Variants in USP48 observed in about 807,000 individuals in gnomAD.
USP48 encodes ubiquitin carboxyl-terminal hydrolase 48.
In USP48, 43 loss-of-function variants were observed where a neutral mutation model predicts 150.7. That is an observed-to-expected ratio of 0.29 (90% confidence interval 0.22 to 0.37). USP48 has a LOEUF of 0.37. Ranked by LOEUF, USP48 falls within the 10% of genes least tolerant of loss-of-function variation. The probability of loss-of-function intolerance (pLI) is 1.00; values close to 1 mark genes in which losing one functional copy is unlikely to be tolerated. For synonymous variants in USP48, 396 were observed against 425.9 expected (o/e 0.93, Z 0.86); for missense variants, 813 against 1,249.6 (o/e 0.65, Z 5.27).
At chr1:21,778,195 C>T (rs1487712010) in intron 1 of USP48, among the ~76,000 whole-genome samples, 3 of 149,910 alleles carry the variant, frequency 2.0e-5, no homozygotes, top group African/African-American at 7.3e-5. Context: ...AACTCAATAA[C>T]AAAAGGCAAC....
intron 22 of USP48, 82 bp downstream of exon 22, chr1:21,701,416 A>G: frequency 8.6e-7 from 1 of 1,169,258 alleles, no homozygotes; most frequent in South Asian, 1.2e-5. Flanking sequence ...TACAGGGTAC[A>G]GAGACATGGC....
chr1:21,700,605 T>C (rs2097652668), intron 22 of USP48, among the ~76,000 whole-genome samples: 1 of 152,204 alleles, frequency 6.6e-6, no homozygotes, highest in African/African-American at 2.4e-5. Flanking sequence ...CACTACACTA[T>C]TTTAGTAGTA....
intron 14 of USP48, 137 bp downstream of exon 14, chr1:21,720,899 A>T: frequency 2.6e-6 from 3 of 1,154,092 alleles, no homozygotes; most frequent in Non-Finnish European, 3.7e-6. Context: ...GGGCTGGCAC[A>T]ACCGCTGGGC....
intron 7 of USP48, 71 bp from the exon 8 acceptor site, chr1:21,747,220 T>C: frequency 9.2e-7 from 1 of 1,085,092 alleles, no homozygotes; most frequent in East Asian, 2.7e-5. Flanking sequence ...CTCTATTAGC[T>C]ATTTTAATAA....
At chr1:21,733,578 T>A (rs1235172548) in intron 9 of USP48, among the ~76,000 whole-genome samples, 1 of 152,200 alleles carries the variant, frequency 6.6e-6, no homozygotes, top group Non-Finnish European at 1.5e-5. Flanking sequence ...AGCTAAAATA[T>A]ATGCTGCATA....
chr1:21,767,735 G>T (rs1251639042), intron 1 of USP48, among the ~76,000 whole-genome samples: 1 of 151,366 alleles, frequency 6.6e-6, no homozygotes, highest in Non-Finnish European at 1.5e-5. Context: ...CATTGAAGAA[G>T]GAAACTAGTT....
chr1:21,715,310 TG>T, intron 15 of USP48, 78 bp downstream of exon 15: 1 of 1,110,370 alleles, frequency 9.0e-7, no homozygotes, highest in Non-Finnish European at 1.3e-6. Flanking sequence ...TGAGAGATAC[TG>T]GCATGAAAGC....
At chr1:21,683,861 G>A (rs541401744) in intron 25 of USP48, among the ~76,000 whole-genome samples, 18 of 152,090 alleles carry the variant, frequency 1.2e-4, no homozygotes, top group East Asian at 1.9e-4. Context: ...TAGCTCCTAC[G>A]TATGAGTGAG....
rs2097918877 is a variant in USP48, at chr1:21,783,138, A to C, written c.-181T>G. ...CCGCGCCCGCCCGCGCCCGACCCGC[A>C]CGACCGGCCGCAAAGCGCCGCCGTC... On this transcript the variant is annotated 5_prime_UTR_variant, in exon 1 of 27. Coordinates refer to ENST00000308271, the MANE Select transcript of USP48 (RefSeq NM_032236.8). 1 of 966,988 alleles carries C rather than the reference A, an allele frequency of 1.0e-6. No homozygotes were observed. Among genetic ancestry groups the C allele is most frequent in the Non-Finnish European group, 1.4e-6 (1 of 723,124 alleles). 59.9% of individuals were successfully genotyped at this position (966,988 alleles called of 1,614,324 possible). A position where few individuals can be genotyped will look rare whatever the true frequency, so the allele number is the denominator to read the frequency against.
At chr1:21,757,494 TAAG>T in intron 2 of USP48, 166 bp downstream of exon 2, 1 of 566,124 alleles carries the variant, frequency 1.8e-6, no homozygotes, top group Non-Finnish European at 2.9e-6. Flanking sequence ...AGCATATCAT[TAAG>T]AAGTGTTCCA....
intron 6 of USP48, 68 bp downstream of exon 6, chr1:21,751,439 G>C (rs1408560585): frequency 1.7e-6 from 2 of 1,202,588 alleles, no homozygotes; most frequent in East Asian, 2.3e-5. Flanking sequence ...AATCAAAACA[G>C]AATAGCATTC....
At chr1:21,698,813 T>C (rs1452092098) in intron 22 of USP48, among the ~76,000 whole-genome samples, 4 of 151,984 alleles carry the variant, frequency 2.6e-5, no homozygotes, top group Non-Finnish European at 4.4e-5. Context: ...GAGAATGGCT[T>C]GAACCTCGGA....
chr1:21,679,587 A>G, intron 26 of USP48, 148 bp from the exon 27 acceptor site: 1 of 941,418 alleles, frequency 1.1e-6, no homozygotes, highest in South Asian at 1.5e-5. Flanking sequence ...GATAAGACAA[A>G]ATACCAGCAG....
chr1:21,756,566 T>A lies in USP48; in HGVS notation c.392A>T (p.Asp131Val). The change falls in exon 3 of 27, where the codon GAC becomes GTC. Residue 131 changes from aspartate to valine, a missense_variant. Physicochemically the swap from Asp to Val is radical, Grantham distance 152 (BLOSUM62 -3). Transcript: ENST00000308271. ...PSTCSDYMLG[D>V]GIQEEKDYEP... The stretch of plus-strand genomic sequence containing the variant: ...CCCACCTTTTTCTTCTTGGATGCCG[T>A]CTCCCAGCATGTAGTCACTACAAGT... The A allele has an allele frequency of 1.3e-6, 2 of 1,581,858 alleles. No homozygotes were observed. Among genetic ancestry groups the A allele is most frequent in the Non-Finnish European group, 1.7e-6 (2 of 1,169,904 alleles).
At chr1:21,729,610 C>T in intron 10 of USP48, 94 bp downstream of exon 10, 3 of 1,395,612 alleles carry the variant, frequency 2.1e-6, no homozygotes, top group Admixed American at 2.2e-5. Flanking sequence ...ATCAATTTAT[C>T]ATAGTAACTA....
At chr1:21,768,101 G>C (rs995388841) in intron 1 of USP48, among the ~76,000 whole-genome samples, 1 of 152,102 alleles carries the variant, frequency 6.6e-6, no homozygotes, top group African/African-American at 2.4e-5. Flanking sequence ...CAGCTACTCA[G>C]GAGGCTGAGG....
At chr1:21,690,223 T>C (rs1158734469) in intron 23 of USP48, 124 bp from the exon 24 acceptor site, 51 of 1,164,502 alleles carry the variant, frequency 4.4e-5, no homozygotes, top group Non-Finnish European at 5.7e-5. Context: ...AAAACCACTA[T>C]TGTTTACAGT....
At chr1:21,748,370 C>T (rs1557560565) in intron 6 of USP48, 99 bp from the exon 7 acceptor site, 6 of 1,165,068 alleles carry the variant, frequency 5.1e-6, no homozygotes, top group Non-Finnish European at 5.9e-6. Context: ...CAGTTAATAG[C>T]TCTCACTTAA....
intron 11 of USP48, among the ~76,000 whole-genome samples, chr1:21,725,678 G>C (rs969549768): frequency 6.6e-6 from 1 of 151,962 alleles, no homozygotes; most frequent in Non-Finnish European, 1.5e-5. Context: ...ACTTGAACCC[G>C]GGACGCGGAG....
Sources: allele counts gnomAD v4.1 joint callset (sites outside exome capture counted in the v4.1 genomes callset), GRCh38; gene constraint gnomAD v4.1.1; transcripts MANE v1.5; gene names NCBI Gene and HGNC (gene_info 2026-07-23, HGNC 2026-07-21).